HIVEP3: variants seen among roughly 807,000 people sequenced by gnomAD.
HIVEP3 encodes transcription factor HIVEP3.
Under a neutral mutation model 152.8 loss-of-function variants are expected in HIVEP3, and 49 were observed. The observed-to-expected ratio is 0.32, with a 90% CI of 0.26 to 0.41. The LOEUF is 0.41. Ranked by LOEUF, HIVEP3 falls within the 10% of genes least tolerant of loss-of-function variation. The pLI is 1.00. For missense variants in HIVEP3, 2,790 were observed against 3,103.3 expected, an observed-to-expected ratio of 0.90 and a Z score of 2.40; for synonymous variants, 1,269 against 1,289.0, an observed-to-expected ratio of 0.98 and a Z score of 0.33.
intron 3 of HIVEP3, among the ~76,000 whole-genome samples, chr1:41,610,432 G>T (rs1175514747): frequency 6.6e-6 from 1 of 152,240 alleles, no homozygotes; most frequent in Non-Finnish European, 1.5e-5. Context: ...CCCTAGGTGG[G>T]TGAATTTGTG....
At chr1:41,988,180 T>C (rs1645335431) in intron 1 of HIVEP3, among the ~76,000 whole-genome samples, 1 of 152,184 alleles carries the variant, frequency 6.6e-6, no homozygotes, top group Non-Finnish European at 1.5e-5. Context: ...TTGGTAAAGA[T>C]TTCTTGGATA....
At chr1:41,518,781 CAAA>C (rs924670174) in intron 6 of HIVEP3, among the ~76,000 whole-genome samples, 1 of 146,554 alleles carries the variant, frequency 6.8e-6, no homozygotes, top group African/African-American at 2.5e-5. Context: ...AAAAAACAAA[CAAA>C]AAAGAAATTA....
Position 41,556,464 on chromosome 1 carries a change from A to T in HIVEP3, c.5207+19080T>A, listed in dbSNP as rs538858572. On this transcript the variant is annotated intron_variant, in intron 5 of 8. Transcript: ENST00000372583. ...CCATTCATGCTTTTTGGCTATTTTT[A>T]AAATTGGGTTTTTGGATTGAGGTTG... 1.2e-4 allele frequency among the ~76,000 whole-genome samples: 19 copies of T among 152,240 alleles called. No individual in the cohort carries two copies. The East Asian group carries it at 3.1e-3, about 25-fold the overall frequency.
At chr1:41,542,706 G>C (rs538003329) in intron 5 of HIVEP3, 1 of 152,484 alleles carries the variant, frequency 6.6e-6, no homozygotes, top group Admixed American at 6.5e-5. Context: ...CAGGGATGAA[G>C]ACAGAGCCGC....
In HIVEP3 at chr1:41,583,788, T is replaced by C. The variant is rs779321240; in HGVS notation, c.1010A>G (p.Asp337Gly). 6.3e-7 allele frequency: 1 copy of C among 1,588,808 alleles called. No individual in the cohort carries two copies. Among genetic ancestry groups the C allele is most frequent in the South Asian group, 1.2e-5 (1 of 86,214 alleles). Residue 337 changes from aspartate (D) to glycine (G), a missense_variant, in exon 4 of 9, where the codon GAC becomes GGC. Physicochemically the swap from Asp to Gly is moderately conservative, Grantham distance 94. This residue lies in a region of HIVEP3 where 125 missense variants were observed against 130.1 expected (regional missense o/e 0.96). Coordinates refer to ENST00000372583, the MANE Select transcript of HIVEP3 (RefSeq NM_024503.5). This position sits in a 1 kb window ranked among gnomAD's most constrained non-coding sequence, Gnocchi z 6.9. ...TGAGGGTTCCACAAATGGAGGGGGGTCTTCGAGTGACTGGGCTGTGCTGGA... is the reference window on the plus strand; with the variant it reads ...TGAGGGTTCCACAAATGGAGGGGGGCCTTCGAGTGACTGGGCTGTGCTGGA... ...SQSSTAQSLE[D>G]PPPFVEPSSE...
chr1:41,517,369 C>G (rs987691802), intron 7 of HIVEP3, among the ~76,000 whole-genome samples: 8 of 152,172 alleles, frequency 5.3e-5, no homozygotes, highest in African/African-American at 1.9e-4. Context: ...CCCAGTGTAT[C>G]CTTGACAAGC....
At chr1:41,856,189 C>T (rs762868852) in intron 1 of HIVEP3, among the ~76,000 whole-genome samples, 3 of 152,168 alleles carry the variant, frequency 2.0e-5, no homozygotes, top group Non-Finnish European at 2.9e-5. Context: ...AGCAGCAAAT[C>T]CAAATTTAAG....
intron 1 of HIVEP3, among the ~76,000 whole-genome samples, chr1:42,029,958 G>A (rs1324487238): frequency 1.3e-5 from 2 of 152,244 alleles, no homozygotes; most frequent in African/African-American, 4.8e-5. Context: ...CCAGTGGCTG[G>A]AATGCAAGAG....
At chr1:41,795,809 G>A (rs1649950306) in intron 1 of HIVEP3, among the ~76,000 whole-genome samples, 1 of 151,958 alleles carries the variant, frequency 6.6e-6, no homozygotes, top group Admixed American at 6.6e-5. Flanking sequence ...ATCTTTTTTT[G>A]TCTTGCTTTG....
chr1:41,818,209 G>A lies in HIVEP3; in HGVS notation c.-801+100204C>T, dbSNP rs373684013. ...AGGGAGAATCCAAGTGGGTAACAGC[G>A]TATGAAGAGACCTTCAAATGTACTA... is the stretch of plus-strand genomic sequence containing the variant. On this transcript the variant is annotated intron_variant, in intron 1 of 8. Coordinates refer to ENST00000372583, the MANE Select transcript of HIVEP3 (RefSeq NM_024503.5). 4.2e-4 allele frequency among the ~76,000 whole-genome samples: 64 copies of A among 152,304 alleles called. No individual in the cohort carries two copies. In the South Asian group the frequency reaches 8.9e-3, roughly 21 times the overall value.
At chr1:41,564,464 G>C (rs1644131097) in intron 5 of HIVEP3, among the ~76,000 whole-genome samples, 1 of 152,180 alleles carries the variant, frequency 6.6e-6, no homozygotes, top group African/African-American at 2.4e-5. Context: ...GAGCCACTGA[G>C]TGAGAAAACT....
rs114492983 is a variant in HIVEP3, at chr1:41,937,357, G to A, written n.120-18833C>T. Among the ~76,000 whole-genome samples the A allele has an allele frequency of 2.6e-3, 391 of 152,288 alleles. 1 individual carries two copies. The highest frequency in any genetic ancestry group is 8.3e-3 in the African/African-American group (347 of 41,560). Reference sequence around the variant, plus strand: ...ATGATGTTGGTTCAAGGTGGTCACAGGACTCTTTTAGAGCCAGTGAGACAC... The same window carrying A: ...ATGATGTTGGTTCAAGGTGGTCACAAGACTCTTTTAGAGCCAGTGAGACAC... On this transcript the variant is annotated intron_variant and non_coding_transcript_variant, in intron 1 of 3. Transcript: ENST00000489103.
intron 1 of HIVEP3, among the ~76,000 whole-genome samples, chr1:41,710,888 C>G (rs1004203734): frequency 6.6e-6 from 1 of 152,198 alleles, no homozygotes; most frequent in African/African-American, 2.4e-5. Context: ...ATGGATTACT[C>G]CACTGACTCC....
At position 41,580,278 on chromosome 1, in the gene HIVEP3, G is replaced by C. The variant is rs202162655; in HGVS notation, c.4520C>G (p.Ser1507Cys). Residue 1507 changes from serine to cysteine, a missense_variant, in exon 4 of 9, where the codon TCT becomes TGT. Transcript: ENST00000372583. ...GAGGGGAGGAATTTCCTTTGTGTCA[G>C]ATGGATCTGAGGACAGGCTGGACAG... ...EMLSSLSSDP[S>C]DTKEIPPLPH... 40 of 1,614,148 alleles carry C rather than the reference G, an allele frequency of 2.5e-5. No homozygotes were observed. The East Asian group carries it at 4.9e-4, about 20-fold the overall frequency.
chr1:41,577,074 C>T (rs1325343131), intron 4 of HIVEP3, among the ~76,000 whole-genome samples: 1 of 152,190 alleles, frequency 6.6e-6, no homozygotes, highest in Non-Finnish European at 1.5e-5. Context: ...GACTACTTCT[C>T]CCTCACAGCC....
intron 1 of HIVEP3, among the ~76,000 whole-genome samples, chr1:41,716,309 G>T (rs1646592822): frequency 6.6e-6 from 1 of 152,164 alleles, no homozygotes; most frequent in African/African-American, 2.4e-5. Flanking sequence ...CTGGGCCAAG[G>T]TAGGACAGTG....
In HIVEP3 at chr1:41,650,567, T is replaced by G. The variant is rs201998629; in HGVS notation, c.-720-21620A>C. 1.2e-3 allele frequency among the ~76,000 whole-genome samples: 179 copies of G among 147,210 alleles called. 2 individuals carry two copies. The highest frequency in any genetic ancestry group is 2.7e-3 in the African/African-American group (107 of 40,222). On this transcript the variant is annotated intron_variant, in intron 2 of 8. Coordinates refer to ENST00000372583, the MANE Select transcript of HIVEP3 (RefSeq NM_024503.5). Reference sequence around the variant, plus strand: ...GTTTTCTTTTTTGTTTTCTGGGTTTTTTTTTTTTTTTAATGAAGAGATATT... The same window carrying G: ...GTTTTCTTTTTTGTTTTCTGGGTTTGTTTTTTTTTTTAATGAAGAGATATT...
intron 1 of HIVEP3, among the ~76,000 whole-genome samples, chr1:42,023,879 A>G (rs1426989813): frequency 2.0e-5 from 3 of 152,198 alleles, no homozygotes; most frequent in African/African-American, 4.8e-5. Flanking sequence ...GTCGAATTAC[A>G]TATTTTTCAT....
rs140659278 is a variant in HIVEP3, at chr1:41,553,892, C to T, written c.5207+21652G>A. Among the ~76,000 whole-genome samples the T allele has an allele frequency of 8.4e-4, 128 of 152,284 alleles. 1 individual carries two copies. In the East Asian group the frequency reaches 0.023, roughly 27 times the overall value. On this transcript the variant is annotated intron_variant, in intron 5 of 8. Transcript: ENST00000372583. ...TGTTAGTCTGATAGGCTTCCCTTTG[C>T]GGGTAACCTGACCTTTCTCTCTGGC...
Sources: allele counts gnomAD v4.1 joint callset (sites outside exome capture counted in the v4.1 genomes callset), GRCh38; gene constraint gnomAD v4.1.1; regional missense constraint gnomAD v4.1.1; non-coding constraint Gnocchi (gnomAD v3.1); transcripts MANE v1.5; gene names NCBI Gene and HGNC (gene_info 2026-07-23, HGNC 2026-07-21).